FOXN3: variants seen among roughly 807,000 people sequenced by gnomAD.
The protein encoded by FOXN3 is forkhead box protein N3.
A neutral mutation model predicts 38.4 loss-of-function variants in FOXN3; 7 were observed. The observed-to-expected ratio is 0.18, with a 90% CI of 0.10 to 0.34. FOXN3 has a LOEUF of 0.34. Among genes scored for constraint, FOXN3 ranks in the 10% least tolerant of loss-of-function variants. FOXN3 has a pLI of 1.00. For synonymous variants in FOXN3, 230 were observed against 242.2 expected, an observed-to-expected ratio of 0.95 and a Z score of 0.47; for missense variants, 456 against 613.4, an observed-to-expected ratio of 0.74 and a Z score of 2.71.
chr14:89,342,902 G>T lies in FOXN3; in HGVS notation c.680+7770C>A, dbSNP rs888283597. Among the ~76,000 whole-genome samples the T allele has an allele frequency of 2.0e-4, 31 of 152,100 alleles. 1 individual carries two copies. The highest frequency in any genetic ancestry group is 4.4e-5 in the Non-Finnish European group (3 of 68,000). On this transcript the variant is annotated intron_variant, in intron 3 of 5. Transcript: ENST00000557258. ...AGGGGCATTTAAAAAACTATTTCGG[G>T]TTTCCATCAAATATGTTGCTTTCAA...
At chr14:89,389,486 C>T (rs1296053248) in intron 2 of FOXN3, among the ~76,000 whole-genome samples, 2 of 152,228 alleles carry the variant, frequency 1.3e-5, no homozygotes, top group African/African-American at 2.4e-5. Flanking sequence ...TTCCCTCTTT[C>T]TCAATTGATG....
intron 1 of FOXN3, among the ~76,000 whole-genome samples, chr14:89,486,354 T>A (rs1893446294): frequency 6.6e-6 from 1 of 152,238 alleles, no homozygotes; most frequent in Admixed American, 6.5e-5. Context: ...TCAATGTTTT[T>A]AATCATCTTA....
intron 2 of FOXN3, among the ~76,000 whole-genome samples, chr14:89,393,379 A>G (rs1036455675): frequency 2.0e-5 from 3 of 152,192 alleles, no homozygotes; most frequent in Non-Finnish European, 4.4e-5. Context: ...CTTCAACATT[A>G]TCTTTCTGAG....
At chr14:89,399,056 GAT>G (rs1366229824) in intron 2 of FOXN3, among the ~76,000 whole-genome samples, 2 of 152,238 alleles carry the variant, frequency 1.3e-5, no homozygotes, top group Non-Finnish European at 2.9e-5. Context: ...TGTTGTTGCA[GAT>G]ATGTTTCAGA....
chr14:89,306,162 A>G (rs927121587), intron 3 of FOXN3, among the ~76,000 whole-genome samples: 2 of 152,140 alleles, frequency 1.3e-5, no homozygotes, highest in African/African-American at 4.8e-5. Context: ...TGTGGAGAAG[A>G]GTTTTTCAGT....
At chr14:89,605,269 A>G (rs1018921401) in intron 1 of FOXN3, among the ~76,000 whole-genome samples, 1 of 152,184 alleles carries the variant, frequency 6.6e-6, no homozygotes, top group Non-Finnish European at 1.5e-5. Context: ...AGGTCCTTGC[A>G]TTGTTTGAGA....
At chr14:89,454,322 C>A (rs1453132671) in intron 1 of FOXN3, among the ~76,000 whole-genome samples, 1 of 152,096 alleles carries the variant, frequency 6.6e-6, no homozygotes, top group East Asian at 1.9e-4. Flanking sequence ...AGAAGAGAGA[C>A]CAGGGTGGCT....
chr14:89,475,666 A>G (rs182695901), intron 1 of FOXN3, among the ~76,000 whole-genome samples: 2 of 152,342 alleles, frequency 1.3e-5, no homozygotes, highest in Admixed American at 1.3e-4. Flanking sequence ...AAGAAAAAAA[A>G]TAACAATTTA....
At chr14:89,352,045 CT>C in intron 2 of FOXN3, among the ~76,000 whole-genome samples, 1 of 152,226 alleles carries the variant, frequency 6.6e-6, no homozygotes, top group Non-Finnish European at 1.5e-5. Context: ...GGAATTAACT[CT>C]TTCTGGTGCA....
chr14:89,263,576 C>T (rs1885875249), intron 4 of FOXN3: 1 of 152,166 alleles, frequency 6.6e-6, no homozygotes. Flanking sequence ...AAATCTATGA[C>T]AATCCTATTT....
At chr14:89,281,116 T>A in intron 3 of FOXN3, 102 bp from the exon 4 acceptor site, 1 of 1,006,828 alleles carries the variant, frequency 9.9e-7, no homozygotes, top group East Asian at 2.5e-5. Context: ...AAGTATGCAT[T>A]ACTGACACCC....
At chr14:89,400,018 T>C (rs1566641131) in intron 2 of FOXN3, 1 of 152,210 alleles carries the variant, frequency 6.6e-6, no homozygotes, top group Admixed American at 6.5e-5. Flanking sequence ...AGATGTTTAC[T>C]GGAGTACATT....
At position 89,427,301 on chromosome 14, in the gene FOXN3, C is replaced by CTTTTTTTT. The variant is rs34755821; in HGVS notation, c.-14-14819_-14-14812dup. ...CACAAGAGGAGGAAGGAAAAGGGGA[C>CTTTTTTTT]TTTTTTTTTTTTTTTTTTTTTTGAG... On this transcript the variant is annotated intron_variant, in intron 1 of 6. Coordinates refer to the FOXN3 transcript ENST00000345097. Among the ~76,000 whole-genome samples the CTTTTTTTT allele has an allele frequency of 2.8e-4, 19 of 67,738 alleles. 2 individuals carry two copies. The highest frequency in any genetic ancestry group is 5.4e-4 in the African/African-American group (9 of 16,576). The allele number at this position is 67,738 out of a possible 152,430, so 44.4% of individuals were successfully genotyped here.
At chr14:89,519,763 AG>A (rs1287105395) in intron 1 of FOXN3, among the ~76,000 whole-genome samples, 1 of 152,160 alleles carries the variant, frequency 6.6e-6, no homozygotes, top group Non-Finnish European at 1.5e-5. Context: ...TCAAGAACCT[AG>A]GGCCAGGGAT....
At chr14:89,581,381 T>C (rs1317400435) in intron 1 of FOXN3, among the ~76,000 whole-genome samples, 1 of 150,522 alleles carries the variant, frequency 6.6e-6, no homozygotes, top group African/African-American at 2.4e-5. Context: ...ACTTGGGAGG[T>C]TGAGGCAGGA....
intron 1 of FOXN3, among the ~76,000 whole-genome samples, chr14:89,599,427 A>G (rs769839374): frequency 5.3e-5 from 8 of 152,116 alleles, no homozygotes; most frequent in Non-Finnish European, 8.8e-5. Flanking sequence ...CTTATTTACA[A>G]TTTTCAGTTC....
chr14:89,605,885 CAGG>C (rs1287457206), intron 1 of FOXN3, among the ~76,000 whole-genome samples: 1 of 152,018 alleles, frequency 6.6e-6, no homozygotes, highest in Non-Finnish European at 1.5e-5. Flanking sequence ...GAGACTAACG[CAGG>C]AGGATTCCTT....
intron 2 of FOXN3, among the ~76,000 whole-genome samples, chr14:89,374,929 A>G (rs1356306060): frequency 1.3e-5 from 2 of 151,606 alleles, no homozygotes; most frequent in Non-Finnish European, 2.9e-5. Context: ...GGGAGCTGAG[A>G]TCACACCATT....
At chr14:89,385,903 T>C (rs1890778631) in intron 2 of FOXN3, among the ~76,000 whole-genome samples, 1 of 152,254 alleles carries the variant, frequency 6.6e-6, no homozygotes, top group African/African-American at 2.4e-5. Flanking sequence ...AGATGAGAAC[T>C]ACTTACGTAA....
Sources: gnomAD v4.1 joint callset for allele counts (sites outside exome capture counted in the v4.1 genomes callset) on GRCh38, gnomAD v4.1.1 for gene constraint, MANE v1.5 for transcripts, NCBI Gene and HGNC (gene_info 2026-07-23, HGNC 2026-07-21) for gene names.